The following TAX1BP1 variants were observed in gnomAD, a reference collection of about 807,000 sequenced individuals.
TAX1BP1 encodes Tax1 binding protein 1.
Under a neutral mutation model 97.7 loss-of-function variants are expected in TAX1BP1, and 62 were observed. The observed-to-expected ratio is 0.63, with a 90% CI of 0.52 to 0.78. The LOEUF is 0.78. Ranked by LOEUF, TAX1BP1 falls within the 30% of genes least tolerant of loss-of-function variation. TAX1BP1 has a pLI of 0.00. For missense variants in TAX1BP1, 867 were observed against 916.1 expected, an observed-to-expected ratio of 0.95 and a Z score of 0.69; for synonymous variants, 340 against 304.2, an observed-to-expected ratio of 1.12 and a Z score of -1.23.
chr7:27,812,458 T>G (rs142958701), intron 13 of TAX1BP1, among the ~76,000 whole-genome samples: 1 of 152,290 alleles, frequency 6.6e-6, no homozygotes, highest in Admixed American at 6.5e-5. Flanking sequence ...TTTACAACAT[T>G]ATCTTTTGAA....
chr7:27,795,296 G>T (rs1201698795), intron 11 of TAX1BP1, among the ~76,000 whole-genome samples: 2 of 151,916 alleles, frequency 1.3e-5, no homozygotes, highest in Non-Finnish European at 2.9e-5. Context: ...GGTAATGAAG[G>T]GCTAGAAGAA....
Position 27,769,737 on chromosome 7 carries a change from A to G in TAX1BP1, c.515A>G (p.Glu172Gly). ...EELLKLIAVL[E>G]KETAQLREQV... ...CTGTTAAAGTTAATTGCCGTTCTGG[A>G]AAAAGAAACAGCACAACTTCGAGAA... The change falls in exon 5 of 17, where the codon GAA becomes GGA. Residue 172 changes from glutamate to glycine, a missense_variant. This residue lies in a region of TAX1BP1 where 822 missense variants were observed against 851.4 expected (regional missense o/e 0.97). Coordinates refer to ENST00000396319, the MANE Select transcript of TAX1BP1 (RefSeq NM_006024.7). The G allele has an allele frequency of 6.2e-7, 1 of 1,612,552 alleles. No homozygotes were observed. Among genetic ancestry groups the G allele is most frequent in the Non-Finnish European group, 8.5e-7 (1 of 1,178,998 alleles).
At chr7:27,811,335 A>G (rs140393688) in intron 13 of TAX1BP1, among the ~76,000 whole-genome samples, 92 of 152,286 alleles carry the variant, frequency 6.0e-4, no homozygotes, top group African/African-American at 2.1e-3. Context: ...AAGAACTTTT[A>G]ATTCCTGCAT....
At chr7:27,770,658 G>A (rs779104036) in intron 5 of TAX1BP1, among the ~76,000 whole-genome samples, 4 of 152,114 alleles carry the variant, frequency 2.6e-5, no homozygotes, top group Non-Finnish European at 5.9e-5. Context: ...TGAACCGCTA[G>A]TGCAGTGATT....
Position 27,793,169 on chromosome 7 carries a change from G to A in TAX1BP1, c.1367G>A (p.Cys456Tyr). ...ADHYKEKFKE[C>Y]QRLQKQINKL... ...CATTATAAAGAAAAATTTAAGGAAT[G>A]CCAAAGGCTCCAAAAACAAATAAAC... The change falls in exon 10 of 17, where the codon TGC becomes TAC. Residue 456 changes from cysteine (C) to tyrosine (Y), a missense_variant. By Grantham distance (194) the Cys-to-Tyr change is radical. This residue lies in a region of TAX1BP1 where 822 missense variants were observed against 851.4 expected (regional missense o/e 0.97). Transcript: ENST00000396319. 1 of 1,592,026 alleles carries A rather than the reference G, an allele frequency of 6.3e-7. No individual in the cohort carries two copies. Among genetic ancestry groups the A allele is most frequent in the Non-Finnish European group, 8.5e-7 (1 of 1,175,148 alleles).
intron 5 of TAX1BP1, among the ~76,000 whole-genome samples, chr7:27,778,874 A>G (rs1228323311): frequency 6.9e-6 from 1 of 145,730 alleles, no homozygotes; most frequent in Non-Finnish European, 1.5e-5. Flanking sequence ...AAAAAAAAAA[A>G]GTATACAATT....
chr7:27,798,381 C>A (rs1407276534), intron 12 of TAX1BP1, among the ~76,000 whole-genome samples: 2 of 151,764 alleles, frequency 1.3e-5, no homozygotes, highest in South Asian at 4.2e-4. Context: ...AAGAAATTAC[C>A]TCCTGGGTGC....
chr7:27,762,737 C>T (rs1044151127), intron 3 of TAX1BP1, among the ~76,000 whole-genome samples: 5 of 151,888 alleles, frequency 3.3e-5, no homozygotes, highest in Admixed American at 6.6e-5. Context: ...TTGCATGAGC[C>T]CAGGAATTTG....
chr7:27,758,142 T>C lies in TAX1BP1; in HGVS notation c.265+9T>C. 1 of 1,591,224 alleles carries C rather than the reference T, an allele frequency of 6.3e-7. No homozygotes were observed. On this transcript the variant is annotated intron_variant, in intron 3 of 16. Coordinates refer to ENST00000396319, the MANE Select transcript of TAX1BP1 (RefSeq NM_006024.7). The stretch of plus-strand genomic sequence containing the variant: ...TGTACTAGCATTCCAAGGTAAGGAC[T>C]GAAAACTGCAGAACTCAATGAAACT...
intron 3 of TAX1BP1, among the ~76,000 whole-genome samples, chr7:27,761,704 A>G (rs562051450): frequency 6.6e-6 from 1 of 152,314 alleles, no homozygotes; most frequent in South Asian, 2.1e-4. Flanking sequence ...TATTGAATGG[A>G]TGTATCATAG....
At chr7:27,753,697 C>G (rs989512415) in intron 2 of TAX1BP1, among the ~76,000 whole-genome samples, 1 of 151,754 alleles carries the variant, frequency 6.6e-6, no homozygotes, top group Non-Finnish European at 1.5e-5. Flanking sequence ...TGATACCCAG[C>G]CTGCATCATT....
At position 27,742,418 on chromosome 7, in the gene TAX1BP1, A is replaced by ATC. The variant is rs890245188; in HGVS notation, c.-8+2151_-8+2152dup. 7.9e-5 allele frequency among the ~76,000 whole-genome samples: 12 copies of ATC among 152,370 alleles called. No homozygotes were observed. In the South Asian group the frequency reaches 8.3e-4, roughly 11 times the overall value. On this transcript the variant is annotated intron_variant, in intron 1 of 16. Coordinates refer to ENST00000396319, the MANE Select transcript of TAX1BP1 (RefSeq NM_006024.7). Reference sequence around the variant, plus strand: ...TTCAAGCATCTGTTTAACAGAGCACATCTTGCACAACCCTTAATCCGTTTA... The same window carrying ATC: ...TTCAAGCATCTGTTTAACAGAGCACATCTCTTGCACAACCCTTAATCCGTTTA...
chr7:27,765,549 A>C (rs1261503480), intron 3 of TAX1BP1, among the ~76,000 whole-genome samples: 1 of 152,136 alleles, frequency 6.6e-6, no homozygotes, highest in Non-Finnish European at 1.5e-5. Context: ...TTCCCATTGT[A>C]AAGTATATAC....
intron 4 of TAX1BP1, among the ~76,000 whole-genome samples, chr7:27,769,182 A>G (rs1389090245): frequency 6.6e-6 from 1 of 151,892 alleles, no homozygotes; most frequent in Non-Finnish European, 1.5e-5. Flanking sequence ...TAGAAACTAT[A>G]CATTTCTTGG....
At chr7:27,756,603 A>G (rs1788225605) in intron 2 of TAX1BP1, among the ~76,000 whole-genome samples, 1 of 152,122 alleles carries the variant, frequency 6.6e-6, no homozygotes, top group Non-Finnish European at 1.5e-5. Flanking sequence ...CAGCTAGCAA[A>G]TTATCTTTTC....
intron 5 of TAX1BP1, among the ~76,000 whole-genome samples, chr7:27,774,296 GA>G (rs1207004114): frequency 6.6e-6 from 1 of 152,104 alleles, no homozygotes; most frequent in Non-Finnish European, 1.5e-5. Flanking sequence ...CTTGTCATCA[GA>G]TAGAGTTTTC....
chr7:27,787,378 G>C, intron 7 of TAX1BP1, 40 bp from the exon 8 acceptor site: 1 of 1,512,482 alleles, frequency 6.6e-7, no homozygotes, highest in South Asian at 1.3e-5. Flanking sequence ...CTTAGGTCAT[G>C]GAGTTAGAAT....
chr7:27,810,429 T>G (rs2128323232), intron 13 of TAX1BP1, among the ~76,000 whole-genome samples: 1 of 152,276 alleles, frequency 6.6e-6, no homozygotes, highest in African/African-American at 2.4e-5. Flanking sequence ...TTTAGGGTTA[T>G]TAGTGCTGAT....
intron 4 of TAX1BP1, among the ~76,000 whole-genome samples, chr7:27,766,478 T>G (rs983812897): frequency 3.6e-5 from 5 of 137,174 alleles, no homozygotes; most frequent in South Asian, 2.3e-4. Context: ...GAATGCTTTT[T>G]AACTAAAATA....
Sources: allele counts gnomAD v4.1 joint callset (sites outside exome capture counted in the v4.1 genomes callset), GRCh38; gene constraint gnomAD v4.1.1; regional missense constraint gnomAD v4.1.1; transcripts MANE v1.5; gene names NCBI Gene and HGNC (gene_info 2026-07-23, HGNC 2026-07-21).